Variants in NCALD observed in about 807,000 individuals in gnomAD.
NCALD encodes neurocalcin-delta.
NCALD carries 10 observed loss-of-function variants against 18.6 expected under a neutral mutation model. The ratio of observed to expected loss-of-function variants is 0.54; its 90% CI spans 0.33 to 0.91. The LOEUF (loss-of-function observed/expected upper bound fraction) is 0.91. Ranked by LOEUF, NCALD falls within the 40% of genes least tolerant of loss-of-function variation. NCALD has a pLI of 0.03. For missense variants in NCALD, 184 were observed against 247.6 expected (o/e 0.74, Z 1.72); for synonymous variants, 88 against 87.4 (o/e 1.01, Z -0.04).
chr8:101,950,426 A>T (rs960704938), intron 2 of NCALD: 1 of 152,244 alleles, frequency 6.6e-6, no homozygotes, highest in African/African-American at 2.4e-5. Context: ...AAGCAAGAAG[A>T]TTCATTGGAT....
At chr8:101,956,559 G>A (rs1237277006) in intron 2 of NCALD, among the ~76,000 whole-genome samples, 5 of 151,986 alleles carry the variant, frequency 3.3e-5, no homozygotes, top group Admixed American at 1.3e-4. Flanking sequence ...GGAAGGAAGC[G>A]GTTAGGGGAG....
At chr8:101,749,569 TGCAAAATAGG>T (rs1810566457) in intron 1 of NCALD, among the ~76,000 whole-genome samples, 1 of 152,212 alleles carries the variant, frequency 6.6e-6, no homozygotes, top group Admixed American at 6.5e-5. Flanking sequence ...TAATCTCACC[TGCAAAATAGG>T]GATAATAATG....
chr8:101,695,366 G>A (rs766490237), intron 2 of NCALD, among the ~76,000 whole-genome samples: 2 of 152,152 alleles, frequency 1.3e-5, no homozygotes, highest in Non-Finnish European at 2.9e-5. Context: ...TCTGGCCTCA[G>A]TAAGTTTGTC....
chr8:102,018,117 T>C (rs949839446), intron 2 of NCALD, among the ~76,000 whole-genome samples: 1 of 152,212 alleles, frequency 6.6e-6, no homozygotes, highest in Non-Finnish European at 1.5e-5. Context: ...ACTGAAACTT[T>C]CATATATTGC....
At chr8:101,813,628 C>A (rs571185304) in intron 4 of NCALD, among the ~76,000 whole-genome samples, 68 of 152,174 alleles carry the variant, frequency 4.5e-4, no homozygotes, top group African/African-American at 1.3e-3. Context: ...TCTATTGGCA[C>A]AAAAACCACT....
chr8:101,968,942 C>CT (rs1406062435), intron 2 of NCALD, among the ~76,000 whole-genome samples: 1 of 152,190 alleles, frequency 6.6e-6, no homozygotes, highest in East Asian at 1.9e-4. Context: ...CCAAGCATCT[C>CT]TGAGGACCCC....
chr8:101,706,713 A>G (rs1212405712), intron 2 of NCALD, among the ~76,000 whole-genome samples: 1 of 152,232 alleles, frequency 6.6e-6, no homozygotes, highest in Admixed American at 6.5e-5. Context: ...ACACACAGGG[A>G]TAACACCCTA....
At chr8:101,933,388 G>A (rs991590185) in intron 2 of NCALD, among the ~76,000 whole-genome samples, 5 of 152,194 alleles carry the variant, frequency 3.3e-5, no homozygotes, top group Admixed American at 2.0e-4. Flanking sequence ...AGGCATGCCA[G>A]CAGCCTCTAG....
chr8:101,719,177 G>T lies in NCALD; in HGVS notation c.378+75C>A, dbSNP rs977863729. 4 of 1,545,296 alleles carry T rather than the reference G, an allele frequency of 2.6e-6. No homozygotes were observed. The South Asian group carries it at 5.1e-5, about 20-fold the overall frequency. On this transcript the variant is annotated intron_variant, in intron 2 of 3. Transcript: ENST00000220931. ...CTCACCAGTTTGCAACCTCTGCACCGTGCTATACTGTGCACCTTCCAATTC... is the reference window on the plus strand; with the variant it reads ...CTCACCAGTTTGCAACCTCTGCACCTTGCTATACTGTGCACCTTCCAATTC...
chr8:101,856,534 T>C (rs1563831232), intron 4 of NCALD, among the ~76,000 whole-genome samples: 1 of 152,130 alleles, frequency 6.6e-6, no homozygotes, highest in Non-Finnish European at 1.5e-5. Context: ...AAGATTTTAT[T>C]TGAAGAAATG....
At chr8:102,121,128 C>A (rs11778021) in intron 1 of NCALD, among the ~76,000 whole-genome samples, 12,411 of 152,232 alleles carry the variant, frequency 0.082, 699 homozygotes, top group Middle Eastern at 0.12. Context: ...AGCTTCATTG[C>A]AACAGTTGGC....
chr8:101,793,919 T>C (rs1812539839), upstream of NCALD, among the ~76,000 whole-genome samples: 1 of 152,208 alleles, frequency 6.6e-6, no homozygotes, highest in Non-Finnish European at 1.5e-5. Flanking sequence ...GTTTGGGTCA[T>C]GCAATTCTAA....
intron 1 of NCALD, among the ~76,000 whole-genome samples, chr8:101,779,608 A>G (rs1329392914): frequency 6.6e-6 from 1 of 152,166 alleles, no homozygotes; most frequent in Non-Finnish European, 1.5e-5. Context: ...CACTAGATGC[A>G]GTGGTTTACG....
intron 2 of NCALD, among the ~76,000 whole-genome samples, chr8:101,937,198 T>C (rs552603756): frequency 8.5e-6 from 1 of 117,864 alleles, no homozygotes; most frequent in Non-Finnish European, 1.8e-5. Flanking sequence ...TTTTTAACTT[T>C]TATTTTAGGT....
intron 1 of NCALD, among the ~76,000 whole-genome samples, chr8:102,025,211 A>G (rs2132116288): frequency 6.6e-6 from 1 of 152,202 alleles, no homozygotes; most frequent in South Asian, 2.1e-4. Flanking sequence ...ACCTAACTTG[A>G]ACTCATTCTT....
At chr8:102,041,382 A>G (rs6468812) in intron 1 of NCALD, among the ~76,000 whole-genome samples, 47,877 of 152,186 alleles carry the variant, frequency 0.31, 8,091 homozygotes, top group African/African-American at 0.41. Flanking sequence ...ACCTTAATTC[A>G]CACTGGAAGA....
intron 2 of NCALD, among the ~76,000 whole-genome samples, chr8:101,928,999 G>C (rs990663201): frequency 1.3e-5 from 2 of 151,918 alleles, no homozygotes; most frequent in Non-Finnish European, 2.9e-5. Context: ...GGTAGAGACA[G>C]TGTTATCCAG....
At chr8:101,984,167 C>T (rs1820721165) in intron 2 of NCALD, among the ~76,000 whole-genome samples, 1 of 152,194 alleles carries the variant, frequency 6.6e-6, no homozygotes, top group South Asian at 2.1e-4. Flanking sequence ...GGACAGTTCT[C>T]TGTTTCTAAC....
At chr8:102,038,292 G>A (rs1445840110) in intron 1 of NCALD, among the ~76,000 whole-genome samples, 7 of 152,112 alleles carry the variant, frequency 4.6e-5, no homozygotes, top group African/African-American at 7.2e-5. Flanking sequence ...CCCACGCCAC[G>A]GGGAAAGAAA....
Sources: gnomAD v4.1 joint callset for allele counts (sites outside exome capture counted in the v4.1 genomes callset) on GRCh38, gnomAD v4.1.1 for gene constraint, MANE v1.5 for transcripts, NCBI Gene and HGNC (gene_info 2026-07-23, HGNC 2026-07-21) for gene names.